METTL15: variants seen among roughly 807,000 people sequenced by gnomAD.
METTL15 encodes methyltransferase 15, mitochondrial 12S rRNA N4-cytidine.
Under a neutral mutation model 38.3 loss-of-function variants are expected in METTL15, and 34 were observed. The observed-to-expected ratio is 0.89, with a 90% CI of 0.68 to 1.18. The LOEUF is 1.18. METTL15 is among the 50% of genes most tolerant of loss of function. METTL15 has a pLI of 0.00. For synonymous variants in METTL15, 162 were observed against 170.9 expected (o/e 0.95, Z 0.41); for missense variants, 438 against 498.4 (o/e 0.88, Z 1.15).
Position 28,401,808 on chromosome 11 carries a change from T to C in METTL15, c.*359-22491T>C, listed in dbSNP as rs535931822. On this transcript the variant is annotated intron_variant and NMD_transcript_variant, in intron 5 of 7. Coordinates refer to the METTL15 transcript ENST00000532947. ...AGGCCAAATTACTTCGATAGCAAGATACTTCAAAGATAGCTCAGAGAAGTC... is the reference window on the plus strand; with the variant it reads ...AGGCCAAATTACTTCGATAGCAAGACACTTCAAAGATAGCTCAGAGAAGTC... 2.4e-3 allele frequency among the ~76,000 whole-genome samples: 369 copies of C among 152,136 alleles called. 1 individual carries two copies. The highest frequency in any genetic ancestry group is 4.8e-3 in the Non-Finnish European group (327 of 67,950).
At chr11:28,308,230 G>T (rs1250439090) in intron 6 of METTL15, among the ~76,000 whole-genome samples, 9 of 152,016 alleles carry the variant, frequency 5.9e-5, no homozygotes, top group Non-Finnish European at 1.2e-4. Flanking sequence ...ATTTAATTGT[G>T]ATGTGCTTGG....
intron 4 of METTL15, among the ~76,000 whole-genome samples, chr11:28,251,645 G>A (rs1214063097): frequency 6.6e-6 from 1 of 151,950 alleles, no homozygotes; most frequent in Non-Finnish European, 1.5e-5. Context: ...ATTCAACACA[G>A]TAGTCTCTTG....
chr11:28,412,477 A>T (rs1433485476), intron 5 of METTL15, among the ~76,000 whole-genome samples: 1 of 151,940 alleles, frequency 6.6e-6, no homozygotes, highest in African/African-American at 2.4e-5. Context: ...ATTTTCTGTT[A>T]TGGTGATATA....
intron 6 of METTL15, among the ~76,000 whole-genome samples, chr11:28,323,893 T>C (rs1849550413): frequency 6.6e-6 from 1 of 152,202 alleles, no homozygotes; most frequent in African/African-American, 2.4e-5. Context: ...TTGTTAACAA[T>C]TTTCTTTCAC....
chr11:28,531,196 C>T (rs1305156826), downstream of METTL15, among the ~76,000 whole-genome samples: 1 of 151,988 alleles, frequency 6.6e-6, no homozygotes, highest in Admixed American at 6.6e-5. Context: ...GATGCTATCA[C>T]TGCTATACTC....
intron 5 of METTL15, among the ~76,000 whole-genome samples, chr11:28,362,203 C>G (rs1201456084): frequency 6.6e-6 from 1 of 151,968 alleles, no homozygotes; most frequent in Non-Finnish European, 1.5e-5. Context: ...TGCAATTAAA[C>G]AAACAGTCCT....
chr11:28,404,307 C>T (rs762056899), intron 5 of METTL15, among the ~76,000 whole-genome samples: 1 of 151,988 alleles, frequency 6.6e-6, no homozygotes, highest in Non-Finnish European at 1.5e-5. Flanking sequence ...TAAATTGTTA[C>T]TACTACTATA....
At chr11:28,278,137 G>A (rs1290838533) in intron 4 of METTL15, among the ~76,000 whole-genome samples, 1 of 152,104 alleles carries the variant, frequency 6.6e-6, no homozygotes, top group African/African-American at 2.4e-5. Flanking sequence ...CCCTATGGGT[G>A]TCTAGAAGGA....
At chr11:28,292,701 C>T (rs1410106450) in intron 5 of METTL15, among the ~76,000 whole-genome samples, 2 of 152,118 alleles carry the variant, frequency 1.3e-5, no homozygotes, top group African/African-American at 4.8e-5. Flanking sequence ...CCTATTTCTC[C>T]ACATCCTCTC....
At chr11:28,390,135 G>C (rs1850487239) in intron 5 of METTL15, among the ~76,000 whole-genome samples, 1 of 151,924 alleles carries the variant, frequency 6.6e-6, no homozygotes, top group South Asian at 2.1e-4. Flanking sequence ...TTAGCCCTTT[G>C]TCAGATGAGT....
At chr11:28,406,071 G>C (rs77483754) in intron 5 of METTL15, among the ~76,000 whole-genome samples, 1 of 152,114 alleles carries the variant, frequency 6.6e-6, no homozygotes. Flanking sequence ...TTTTGCTCAG[G>C]ATTGTCTTGG....
intron 6 of METTL15, among the ~76,000 whole-genome samples, chr11:28,462,166 CT>C (rs1851221698): frequency 1.3e-5 from 2 of 152,004 alleles, no homozygotes; most frequent in Non-Finnish European, 2.9e-5. Flanking sequence ...CAGAGAAGGG[CT>C]TGACGTAGAA....
intron 4 of METTL15, among the ~76,000 whole-genome samples, chr11:28,359,640 A>T (rs1447237176): frequency 6.6e-6 from 1 of 152,050 alleles, no homozygotes; most frequent in African/African-American, 2.4e-5. Flanking sequence ...ATGGTATCTT[A>T]TGGCGGTTTA....
intron 6 of METTL15, among the ~76,000 whole-genome samples, chr11:28,465,637 T>C (rs544924873): frequency 6.6e-6 from 1 of 152,306 alleles, no homozygotes; most frequent in South Asian, 2.1e-4. Flanking sequence ...AGCAAGCAGG[T>C]GTTTTGCCTG....
intron 3 of METTL15, among the ~76,000 whole-genome samples, chr11:28,117,953 C>A (rs965550581): frequency 1.3e-5 from 2 of 152,118 alleles, no homozygotes; most frequent in Non-Finnish European, 2.9e-5. Context: ...TTACTATTAC[C>A]TTTTTCTGCA....
intron 3 of METTL15, among the ~76,000 whole-genome samples, chr11:28,187,423 G>T (rs1348956747): frequency 6.8e-6 from 1 of 148,122 alleles, no homozygotes; most frequent in East Asian, 2.0e-4. Context: ...GGGGAGGTAT[G>T]TGATATTAAT....
intron 3 of METTL15, among the ~76,000 whole-genome samples, chr11:28,155,165 T>C (rs1170851712): frequency 6.6e-6 from 1 of 152,118 alleles, no homozygotes; most frequent in Admixed American, 6.6e-5. Context: ...ATTCCTTTAT[T>C]TTGTTAAGGT....
chr11:28,432,999 A>G (rs1454881780), intron 6 of METTL15, among the ~76,000 whole-genome samples: 1 of 148,462 alleles, frequency 6.7e-6, no homozygotes, highest in Non-Finnish European at 1.5e-5. Flanking sequence ...ATTTTCCTTT[A>G]TATCAAAGAT....
In METTL15 at chr11:28,327,977, C is replaced by T. The variant is rs1402307861; in HGVS notation, c.779-2419C>T. The T allele has an allele frequency of 5.8e-6, 6 of 1,026,334 alleles. No individual in the cohort carries two copies. In the South Asian group the frequency reaches 8.7e-5, roughly 15 times the overall value. 63.6% of individuals were successfully genotyped at this position (1,026,334 alleles called of 1,614,324 possible). A position where few individuals can be genotyped will look rare whatever the true frequency, so the allele number is the denominator to read the frequency against. The stretch of plus-strand genomic sequence containing the variant: ...TTTCTGCAAAATATCAAAGATAATG[C>T]TAAGAAATTTTTAAAAAAATTATAG... On this transcript the variant is annotated intron_variant, in intron 6 of 6. Transcript: ENST00000407364.
Sources: gnomAD v4.1 joint callset for allele counts (sites outside exome capture counted in the v4.1 genomes callset) on GRCh38, gnomAD v4.1.1 for gene constraint, MANE v1.5 for transcripts, NCBI Gene and HGNC (gene_info 2026-07-23, HGNC 2026-07-21) for gene names.